Variants in XPNPEP1 observed in about 807,000 individuals in gnomAD.
XPNPEP1 encodes X-prolyl aminopeptidase 1.
A neutral mutation model predicts 92.4 loss-of-function variants in XPNPEP1; 39 were observed. That is an observed-to-expected ratio of 0.42 (90% CI 0.33 to 0.55). XPNPEP1 has a LOEUF of 0.55. Ranked by LOEUF, XPNPEP1 falls within the 20% of genes least tolerant of loss-of-function variation. The pLI is 0.08. For missense variants in XPNPEP1, 654 were observed against 856.1 expected (o/e 0.76, Z 2.95); for synonymous variants, 307 against 299.4 (o/e 1.03, Z -0.26).
At chr10:109,919,772 G>A (rs1012476798) in intron 1 of XPNPEP1, among the ~76,000 whole-genome samples, 7 of 152,188 alleles carry the variant, frequency 4.6e-5, no homozygotes, top group Non-Finnish European at 7.4e-5. Context: ...GGTAGCTCAC[G>A]CCTGTAATCC....
intron 18 of XPNPEP1, 112 bp from the exon 19 acceptor site, chr10:109,870,141 G>C: frequency 8.5e-7 from 1 of 1,174,850 alleles, no homozygotes; most frequent in South Asian, 1.4e-5. Context: ...AGAAACGGGT[G>C]AAGAGCCCAC....
intron 3 of XPNPEP1, among the ~76,000 whole-genome samples, chr10:109,901,822 A>G (rs1271790456): frequency 6.6e-6 from 1 of 152,250 alleles, no homozygotes. Context: ...AATATTTCCA[A>G]TGAAAATTTC....
chr10:109,869,811 G>C lies in XPNPEP1; in HGVS notation c.1773+142C>G, dbSNP rs1847348519. The stretch of plus-strand genomic sequence containing the variant: ...AGAATGGCATACTCTTGGCTCCAAA[G>C]ACATTAAGTCTTCATCTTCCCACAC... On this transcript the variant is annotated intron_variant, in intron 19 of 20. Coordinates refer to ENST00000502935, the MANE Select transcript of XPNPEP1 (RefSeq NM_020383.4). 4 of 766,796 alleles carry C rather than the reference G, an allele frequency of 5.2e-6. No individual in the cohort carries two copies. In the Admixed American group the frequency reaches 1.0e-4, roughly 19 times the overall value. 47.5% of individuals were successfully genotyped at this position (766,796 alleles called of 1,614,324 possible).
chr10:109,886,729 C>T (rs922676789), intron 7 of XPNPEP1, among the ~76,000 whole-genome samples: 4 of 152,202 alleles, frequency 2.6e-5, no homozygotes, highest in Admixed American at 2.0e-4. Flanking sequence ...AATTAACACA[C>T]TACTGTAAAT....
intron 17 of XPNPEP1, chr10:109,871,177 C>A: frequency 3.1e-6 from 1 of 317,716 alleles, no homozygotes; most frequent in Non-Finnish European, 5.8e-6. Context: ...CATGGACGTT[C>A]CCTTGCCAGC....
intron 2 of XPNPEP1, 103 bp from the exon 3 acceptor site, chr10:109,907,918 C>G (rs909957946): frequency 2.0e-6 from 3 of 1,518,118 alleles, no homozygotes; most frequent in Non-Finnish European, 2.7e-6. Context: ...CGTTCTGCCC[C>G]ACTCCCAGTT....
chr10:109,890,873 C>T lies in XPNPEP1; in HGVS notation c.415+849G>A, dbSNP rs540417970. On this transcript the variant is annotated intron_variant, in intron 5 of 20. Coordinates refer to ENST00000502935, the MANE Select transcript of XPNPEP1 (RefSeq NM_020383.4). ...AGGTCATGGTCTAGTCCTCTGTTTCCTGCTGTGAGTCTGAGGACTATTTTC... is the reference window on the plus strand; with the variant it reads ...AGGTCATGGTCTAGTCCTCTGTTTCTTGCTGTGAGTCTGAGGACTATTTTC... Among the ~76,000 whole-genome samples, 60 of 152,266 alleles carry T rather than the reference C, an allele frequency of 3.9e-4. 1 individual carries two copies. Among genetic ancestry groups the T allele is most frequent in the Middle Eastern group, 6.8e-3 (2 of 294 alleles).
At chr10:109,880,013 T>A (rs547383673) in intron 12 of XPNPEP1, among the ~76,000 whole-genome samples, 175 bp downstream of exon 12, 5 of 151,524 alleles carry the variant, frequency 3.3e-5, no homozygotes, top group African/African-American at 4.9e-5. Flanking sequence ...TTAAGGAATT[T>A]TGAAATCTAC....
chr10:109,878,305 C>G (rs1847892910), intron 12 of XPNPEP1: 1 of 440,256 alleles, frequency 2.3e-6, no homozygotes, highest in Non-Finnish European at 4.0e-6. Flanking sequence ...ATCCTAAAAC[C>G]TCCCAAAACA....
intron 1 of XPNPEP1, among the ~76,000 whole-genome samples, chr10:109,915,790 G>A (rs191280494): frequency 8.1e-4 from 123 of 152,248 alleles, no homozygotes; most frequent in East Asian, 5.6e-3. Flanking sequence ...CTGGACACCA[G>A]GCATGAAGGT....
chr10:109,897,451 A>C (rs551204017), intron 3 of XPNPEP1, among the ~76,000 whole-genome samples: 19 of 152,196 alleles, frequency 1.2e-4, no homozygotes, highest in Non-Finnish European at 2.6e-4. Context: ...AGCTAAGATT[A>C]TTTAGTCTGT....
intron 13 of XPNPEP1, 40 bp from the exon 14 acceptor site, chr10:109,877,907 T>C: frequency 6.2e-7 from 1 of 1,614,188 alleles, no homozygotes. Flanking sequence ...CTTAAAGGTT[T>C]TTACTGTGCT....
intron 3 of XPNPEP1, among the ~76,000 whole-genome samples, chr10:109,894,497 T>C (rs998525249): frequency 1.3e-5 from 2 of 150,826 alleles, no homozygotes; most frequent in African/African-American, 4.9e-5. Flanking sequence ...TGTGCCACTG[T>C]ATTCCAGCCT....
chr10:109,894,962 G>A (rs1848905223), intron 3 of XPNPEP1, among the ~76,000 whole-genome samples: 1 of 152,160 alleles, frequency 6.6e-6, no homozygotes, highest in African/African-American at 2.4e-5. Flanking sequence ...ACAACGGGGG[G>A]AAGGGTGGCC....
intron 8 of XPNPEP1, among the ~76,000 whole-genome samples, chr10:109,884,872 C>T (rs1848306082): frequency 6.6e-6 from 1 of 152,104 alleles, no homozygotes; most frequent in Non-Finnish European, 1.5e-5. Flanking sequence ...TCATGAGGAT[C>T]AGAGCAAAAA....
chr10:109,872,780 T>C (rs972796340), intron 16 of XPNPEP1, among the ~76,000 whole-genome samples: 2 of 152,154 alleles, frequency 1.3e-5, no homozygotes, highest in African/African-American at 4.8e-5. Context: ...CCCGGGAAGG[T>C]GGGTCCTTTT....
intron 1 of XPNPEP1, among the ~76,000 whole-genome samples, chr10:109,919,886 GCTGGGT>G (rs1850436674): frequency 1.3e-5 from 2 of 152,152 alleles, no homozygotes; most frequent in Non-Finnish European, 2.9e-5. Context: ...ACAAAAATTA[GCTGGGT>G]GTGGTGGTGC....
chr10:109,883,942 G>T, intron 9 of XPNPEP1, 125 bp downstream of exon 9: 1 of 795,898 alleles, frequency 1.3e-6, no homozygotes, highest in Non-Finnish European at 1.9e-6. Flanking sequence ...AATGTTAAAA[G>T]GGCAAGAAAA....
chr10:109,913,452 T>C (rs1849993476), intron 2 of XPNPEP1, among the ~76,000 whole-genome samples: 1 of 152,250 alleles, frequency 6.6e-6, no homozygotes, highest in South Asian at 2.1e-4. Flanking sequence ...ACAGATGCTC[T>C]TCCAGCATCA....
Sources: gnomAD v4.1 joint callset for allele counts (sites outside exome capture counted in the v4.1 genomes callset) on GRCh38, gnomAD v4.1.1 for gene constraint, MANE v1.5 for transcripts, NCBI Gene and HGNC (gene_info 2026-07-23, HGNC 2026-07-21) for gene names.